The following UIMC1 variants were observed in gnomAD, a reference collection of about 807,000 sequenced individuals.
UIMC1 encodes ubiquitin interaction motif containing 1.
A neutral mutation model predicts 84.9 loss-of-function variants in UIMC1; 42 were observed. The observed-to-expected ratio is 0.49, with a 90% CI of 0.39 to 0.64. The LOEUF (loss-of-function observed/expected upper bound fraction) is 0.64, where lower values mean the gene tolerates loss of function less well. Among genes scored for constraint, UIMC1 ranks in the 30% least tolerant of loss-of-function variants. The probability of loss-of-function intolerance (pLI) is 0.00; values close to 1 mark genes in which losing one functional copy is unlikely to be tolerated. For missense variants in UIMC1, 825 were observed against 847.6 expected (o/e 0.97, Z 0.33); for synonymous variants, 281 against 293.0 (o/e 0.96, Z 0.42).
intron 10 of UIMC1, among the ~76,000 whole-genome samples, 188 bp from the exon 11 acceptor site, chr5:176,911,577 T>C (rs1023562242): frequency 2.0e-5 from 3 of 152,202 alleles, no homozygotes; most frequent in Admixed American, 1.3e-4. Flanking sequence ...CCAAAACAAA[T>C]GTTTTGACAA....
chr5:176,997,029 T>TGC (rs371606838), intron 1 of UIMC1, among the ~76,000 whole-genome samples: 26 of 152,058 alleles, frequency 1.7e-4, no homozygotes, highest in Admixed American at 4.6e-4. Flanking sequence ...TGTGCACGCG[T>TGC]GCGCACACAC....
chr5:176,970,327 C>T (rs1226427540), intron 4 of UIMC1: 1 of 182,820 alleles, frequency 5.5e-6, no homozygotes. Context: ...GACAATTTAA[C>T]TTTATTTCAT....
intron 12 of UIMC1, among the ~76,000 whole-genome samples, chr5:176,907,671 G>A (rs536172420): frequency 5.4e-4 from 82 of 152,258 alleles, no homozygotes; most frequent in African/African-American, 1.8e-3. Context: ...CTAATTACAA[G>A]GCCCCAAAAG....
intron 4 of UIMC1, 106 bp downstream of exon 4, chr5:176,970,636 A>C: frequency 6.4e-7 from 1 of 1,570,062 alleles, no homozygotes; most frequent in Non-Finnish European, 8.7e-7. Flanking sequence ...GTTAGGTGAA[A>C]ACCCTATAAA....
At chr5:176,959,959 A>G (rs925054829) in intron 6 of UIMC1, among the ~76,000 whole-genome samples, 24 of 152,292 alleles carry the variant, frequency 1.6e-4, no homozygotes, top group Middle Eastern at 6.8e-3. Flanking sequence ...TGAACCCAAA[A>G]GGTAGAGGTT....
intron 6 of UIMC1, 23 bp from the exon 7 acceptor site, chr5:176,958,177 T>G: frequency 6.2e-7 from 1 of 1,605,270 alleles, no homozygotes; most frequent in Non-Finnish European, 8.5e-7. Flanking sequence ...ACGTAGTATC[T>G]TAAATATACA....
In UIMC1 at chr5:176,905,401, A is replaced by G; in HGVS notation, c.2041T>C (p.Ser681Pro). Residue 681 changes from serine to proline, a missense_variant, in exon 15 of 15, where the codon TCT becomes CCT. Coordinates refer to ENST00000511320, the MANE Select transcript of UIMC1 (RefSeq NM_001199298.2). Reference sequence around the variant, plus strand: ...GTGGCTTCTGAAATGGAAACAAAAGACTTGACGGGAGATTCATTTAAGTCA... The same window carrying G: ...GTGGCTTCTGAAATGGAAACAAAAGGCTTGACGGGAGATTCATTTAAGTCA... ...RRDLNESPVK[S>P]FVSISEATDC... is the part of the protein sequence containing the mutation. 6.2e-7 allele frequency: 1 copy of G among 1,614,144 alleles called. No individual in the cohort carries two copies. Among genetic ancestry groups the G allele is most frequent in the East Asian group, 2.2e-5 (1 of 44,890 alleles).
chr5:176,924,764 G>A (rs1337630729), intron 10 of UIMC1, among the ~76,000 whole-genome samples: 1 of 152,100 alleles, frequency 6.6e-6, no homozygotes, highest in South Asian at 2.1e-4. Flanking sequence ...TAGGCAGCCG[G>A]GCGCGGTGGC....
intron 10 of UIMC1, among the ~76,000 whole-genome samples, chr5:176,932,320 A>G (rs73804281): frequency 0.026 from 3,897 of 152,306 alleles, 104 homozygotes; most frequent in Middle Eastern, 0.12. Flanking sequence ...TGCTCCTGTC[A>G]CTTTGGTTTC....
intron 13 of UIMC1, 89 bp downstream of exon 13, chr5:176,907,025 C>T: frequency 7.3e-7 from 1 of 1,373,286 alleles, no homozygotes; most frequent in Non-Finnish European, 1.0e-6. Context: ...ACCCAGATAA[C>T]CACAGCAAAT....
At chr5:176,991,164 C>T (rs1024901877) in intron 1 of UIMC1, among the ~76,000 whole-genome samples, 136 of 151,846 alleles carry the variant, frequency 9.0e-4, no homozygotes, top group African/African-American at 2.8e-3. Flanking sequence ...CCCGCCACCA[C>T]GCCCGGCTAA....
intron 10 of UIMC1, among the ~76,000 whole-genome samples, chr5:176,918,387 A>C (rs1248459184): frequency 1.3e-5 from 2 of 152,206 alleles, no homozygotes; most frequent in Non-Finnish European, 2.9e-5. Context: ...GCCTTTCTCC[A>C]GTGGGGTTCC....
chr5:176,949,433 GCC>G (rs1359770989), intron 9 of UIMC1, among the ~76,000 whole-genome samples: 1 of 152,204 alleles, frequency 6.6e-6, no homozygotes, highest in African/African-American at 2.4e-5. Context: ...TATGAAATCA[GCC>G]TTAACTAAGG....
At chr5:177,010,209 C>G (rs1775516409), upstream of UIMC1, among the ~76,000 whole-genome samples, 1 of 151,908 alleles carries the variant, frequency 6.6e-6, no homozygotes, top group South Asian at 2.1e-4. Context: ...GAGTGAGACC[C>G]TGTCTCAGAA....
intron 5 of UIMC1, 113 bp downstream of exon 5, chr5:176,969,488 C>A (rs1436856345): frequency 1.5e-6 from 2 of 1,296,654 alleles, no homozygotes; most frequent in Admixed American, 5.1e-5. Flanking sequence ...GATTTAACTT[C>A]TTTATTATCA....
chr5:176,969,211 G>C lies in UIMC1; in HGVS notation c.544C>G (p.Pro182Ala). ...QGNEAEEREEPWDHTEKTEEE... is the reference protein window; with the variant it reads ...QGNEAEEREEAWDHTEKTEEE... ...TCAGTTTTTTCAGTGTGGTCCCAAG[G>C]CTCCTCTCTTTCCTCAGCCTCGTTT... is the stretch of plus-strand genomic sequence containing the variant. Residue 182 changes from proline to alanine, a missense_variant, in exon 6 of 15, where the codon CCT becomes GCT. Pro to Ala is a conservative substitution (Grantham distance 27). Transcript: ENST00000511320. 9 of 1,614,140 alleles carry C rather than the reference G, an allele frequency of 5.6e-6. No homozygotes were observed. The highest frequency in any genetic ancestry group is 7.6e-6 in the Non-Finnish European group (9 of 1,180,022).
intron 1 of UIMC1, among the ~76,000 whole-genome samples, chr5:177,017,706 G>A (rs1775702151): frequency 6.9e-6 from 1 of 145,408 alleles, no homozygotes; most frequent in Non-Finnish European, 1.5e-5. Flanking sequence ...GTCTTGCTGT[G>A]TCACCCAGGT....
At chr5:176,926,393 G>C (rs1762389584) in intron 10 of UIMC1, among the ~76,000 whole-genome samples, 1 of 152,020 alleles carries the variant, frequency 6.6e-6, no homozygotes, top group East Asian at 1.9e-4. Flanking sequence ...CAGCACTTGG[G>C]GAGGCCAAGA....
At chr5:176,988,505 GAAGAT>G (rs1324712225) in intron 1 of UIMC1, among the ~76,000 whole-genome samples, 9 of 152,058 alleles carry the variant, frequency 5.9e-5, no homozygotes, top group African/African-American at 1.9e-4. Flanking sequence ...GTGATTACCA[GAAGAT>G]GAGATAGGGG....
Sources: allele counts gnomAD v4.1 joint callset (sites outside exome capture counted in the v4.1 genomes callset), GRCh38; gene constraint gnomAD v4.1.1; transcripts MANE v1.5; gene names NCBI Gene and HGNC (gene_info 2026-07-23, HGNC 2026-07-21).